KIF6: variants seen among roughly 807,000 people sequenced by gnomAD.
The protein encoded by KIF6 is kinesin family member 6.
Under a neutral mutation model 112.7 loss-of-function variants are expected in KIF6, and 106 were observed. The ratio of observed to expected loss-of-function variants is 0.94; its 90% CI spans 0.80 to 1.11. The LOEUF (loss-of-function observed/expected upper bound fraction) is 1.11. Ranked by LOEUF, KIF6 falls within the 50% of genes least tolerant of loss-of-function variation. The pLI, the probability that KIF6 is intolerant of heterozygous loss-of-function variation, is 0.00. For synonymous variants in KIF6, 339 were observed against 339.9 expected, an observed-to-expected ratio of 1.00 and a Z score of 0.03; for missense variants, 929 against 964.0, an observed-to-expected ratio of 0.96 and a Z score of 0.48.
At chr6:39,477,034 G>A (rs1415551112) in intron 13 of KIF6, among the ~76,000 whole-genome samples, 1 of 152,180 alleles carries the variant, frequency 6.6e-6, no homozygotes, top group Non-Finnish European at 1.5e-5. Flanking sequence ...GGAAGGCTCT[G>A]GGAGGGATAC....
At position 39,334,176 on chromosome 6, in the gene KIF6, C is replaced by G. The variant is rs1337963595; in HGVS notation, c.*2356G>C. 1 of 152,294 alleles carries G rather than the reference C, an allele frequency of 6.6e-6. No homozygotes were observed. The highest frequency in any genetic ancestry group is 1.5e-5 in the Non-Finnish European group (1 of 68,082). The allele number at this position is 152,294 out of a possible 1,614,324, so 9.4% of individuals were successfully genotyped here. ...TTTCTGTCTTCATTTCCTTTCCTGT[C>G]TTAGTGATTGCCCCAGGAGGCTGGT... On this transcript the variant is annotated 3_prime_UTR_variant, in exon 23 of 23. Transcript: ENST00000287152.
chr6:39,513,826 A>T (rs911665238), intron 13 of KIF6, among the ~76,000 whole-genome samples: 1 of 152,218 alleles, frequency 6.6e-6, no homozygotes, highest in Non-Finnish European at 1.5e-5. Flanking sequence ...TACTGGAATA[A>T]TAACAAGGTT....
chr6:39,671,276 G>A (rs1286439000), intron 3 of KIF6, among the ~76,000 whole-genome samples: 6 of 152,200 alleles, frequency 3.9e-5, no homozygotes, highest in Admixed American at 3.9e-4. Flanking sequence ...CTCAATATTT[G>A]CAATGAATGT....
At chr6:39,407,665 G>A (rs374249198) in intron 15 of KIF6, among the ~76,000 whole-genome samples, 22 of 152,286 alleles carry the variant, frequency 1.4e-4, no homozygotes, top group South Asian at 4.1e-4. Context: ...ACCTCATTAC[G>A]AAACATATAT....
At chr6:39,720,641 G>T in intron 2 of KIF6, 61 bp downstream of exon 2, 1 of 836,628 alleles carries the variant, frequency 1.2e-6, no homozygotes, top group Non-Finnish European at 2.0e-6. Flanking sequence ...GAATATTAAT[G>T]CAGTACAAGA....
At chr6:39,714,872 T>C (rs1248830078) in intron 2 of KIF6, 106 bp from the exon 3 acceptor site, 32 of 740,178 alleles carry the variant, frequency 4.3e-5, no homozygotes, top group Non-Finnish European at 5.3e-5. Flanking sequence ...CATATTTACA[T>C]CACTGGGCTT....
chr6:39,596,222 A>C lies in KIF6; in HGVS notation c.678T>G (p.Ile226Met), dbSNP rs755888158. The C allele has an allele frequency of 9.3e-6, 15 of 1,614,054 alleles. No individual in the cohort carries two copies. In the South Asian group the frequency reaches 1.4e-4, roughly 15 times the overall value. ...MNQASTRSHC[I>M]FTIHLSSKEP... ...CCTTGCTTGACAAATGAATGGTGAA[A>C]ATGCAGTGGGAACGGGTTGAAGCTT... Residue 226 changes from isoleucine to methionine, a missense_variant, in exon 7 of 23, where the codon ATT becomes ATG. Around this residue, in one of 2 missense-constraint regions of KIF6, gnomAD observed 688 missense variants for 662.7 expected, o/e 1.04. Transcript: ENST00000287152.
chr6:39,440,697 A>C (rs942829740), intron 13 of KIF6, among the ~76,000 whole-genome samples: 1 of 152,112 alleles, frequency 6.6e-6, no homozygotes, highest in African/African-American at 2.4e-5. Context: ...TGGGAGGAAA[A>C]GGAAATAAGG....
chr6:39,409,531 C>A (rs985101533), intron 15 of KIF6, among the ~76,000 whole-genome samples: 2 of 152,212 alleles, frequency 1.3e-5, no homozygotes, highest in Admixed American at 1.3e-4. Flanking sequence ...CAAGTGTCTG[C>A]GTGGTGTTTC....
chr6:39,370,797 G>T (rs935070305), intron 16 of KIF6, among the ~76,000 whole-genome samples: 3 of 152,116 alleles, frequency 2.0e-5, no homozygotes, highest in African/African-American at 7.2e-5. Context: ...AGTTTGCTGA[G>T]AATTCTCGGG....
chr6:39,463,935 TA>T (rs1293453067), intron 13 of KIF6, among the ~76,000 whole-genome samples: 1 of 152,240 alleles, frequency 6.6e-6, no homozygotes, highest in Non-Finnish European at 1.5e-5. Flanking sequence ...CTTTAAAATT[TA>T]CCTCGGGTAA....
At chr6:39,616,281 C>A (rs1183038220) in intron 5 of KIF6, among the ~76,000 whole-genome samples, 2 of 152,218 alleles carry the variant, frequency 1.3e-5, no homozygotes, top group South Asian at 4.1e-4. Flanking sequence ...TCTACATTTA[C>A]TTCCAGGTGC....
rs776971057 is a variant in KIF6, at chr6:39,442,826, C to G, written c.1646-11665G>C. On this transcript the variant is annotated intron_variant, in intron 13 of 22. Coordinates refer to ENST00000287152, the MANE Select transcript of KIF6 (RefSeq NM_145027.6). ...TTTTCTTCAGCTTAGAAAGAGGCTC[C>G]AGATCGGCTGGGCGCGATGGCTCAT... 8.4e-4 allele frequency among the ~76,000 whole-genome samples: 128 copies of G among 152,230 alleles called. 1 individual carries two copies. Among genetic ancestry groups the G allele is most frequent in the Non-Finnish European group, 1.2e-4 (8 of 68,012 alleles).
At chr6:39,687,531 G>A (rs757443782) in intron 3 of KIF6, among the ~76,000 whole-genome samples, 3 of 152,102 alleles carry the variant, frequency 2.0e-5, no homozygotes, top group Non-Finnish European at 2.9e-5. Flanking sequence ...CTGGGTAAAA[G>A]GGAAAAAATA....
In KIF6 at chr6:39,714,755, A is replaced by T; in HGVS notation, c.188T>A (p.Ile63Asn). ...CTCTTGGTTTGCATCCTGATCAAAAATTCTTTGAAATCTGCAATGTGAAAA... is the reference window on the plus strand; with the variant it reads ...CTCTTGGTTTGCATCCTGATCAAAATTTCTTTGAAATCTGCAATGTGAAAA... ...RESYKFKFQR[I>N]FDQDANQETV... The change falls in exon 3 of 23, where the codon ATT (isoleucine) becomes AAT (asparagine). Residue 63 changes from isoleucine to asparagine, a missense_variant. Ile to Asn is a moderately radical substitution (Grantham distance 149). Around this residue, in one of 2 missense-constraint regions of KIF6, gnomAD observed 688 missense variants for 662.7 expected, o/e 1.04. Transcript: ENST00000287152. The T allele has an allele frequency of 6.2e-7, 1 of 1,610,578 alleles. No individual in the cohort carries two copies. The highest frequency in any genetic ancestry group is 8.5e-7 in the Non-Finnish European group (1 of 1,176,938).
intron 13 of KIF6, among the ~76,000 whole-genome samples, chr6:39,482,554 C>T (rs1774863093): frequency 6.6e-6 from 1 of 152,186 alleles, no homozygotes. Flanking sequence ...TTCATATAAC[C>T]TCATTCACCC....
chr6:39,599,900 T>C (rs185768615), intron 6 of KIF6, among the ~76,000 whole-genome samples: 7 of 152,324 alleles, frequency 4.6e-5, no homozygotes, highest in Admixed American at 4.6e-4. Flanking sequence ...ACTAAAATTG[T>C]ATATTCTGGA....
intron 3 of KIF6, among the ~76,000 whole-genome samples, chr6:39,648,319 G>A (rs1048075731): frequency 3.3e-5 from 5 of 152,034 alleles, no homozygotes; most frequent in Admixed American, 6.6e-5. Flanking sequence ...TGGGATTATA[G>A]GCATGAGCCA....
chr6:39,389,029 G>A (rs915736642), intron 15 of KIF6, among the ~76,000 whole-genome samples: 1 of 152,212 alleles, frequency 6.6e-6, no homozygotes, highest in African/African-American at 2.4e-5. Context: ...GTGGGTGGCA[G>A]CGGGGAGCAG....
Sources: allele counts gnomAD v4.1 joint callset (sites outside exome capture counted in the v4.1 genomes callset), GRCh38; gene constraint gnomAD v4.1.1; regional missense constraint gnomAD v4.1.1; transcripts MANE v1.5; gene names NCBI Gene and HGNC (gene_info 2026-07-23, HGNC 2026-07-21).